Variants in SYCP3 observed in about 807,000 individuals in gnomAD.
SYCP3 encodes the protein synaptonemal complex protein 3.
A neutral mutation model predicts 38.5 loss-of-function variants in SYCP3; 29 were observed. That is an observed-to-expected ratio of 0.75 (90% CI 0.56 to 1.03). The LOEUF (loss-of-function observed/expected upper bound fraction) is 1.03. SYCP3 is among the 50% of genes least tolerant of loss of function. SYCP3 has a pLI of 0.00. For synonymous variants in SYCP3, 79 were observed against 80.3 expected, an observed-to-expected ratio of 0.98 and a Z score of 0.08; for missense variants, 242 against 270.7, an observed-to-expected ratio of 0.89 and a Z score of 0.74.
intron 6 of SYCP3, 175 bp from the exon 7 acceptor site, chr12:101,731,841 A>C: frequency 2.2e-6 from 1 of 462,936 alleles, no homozygotes; most frequent in Non-Finnish European, 3.8e-6. Context: ...AATATGTAAC[A>C]ATATATTAAT....
chr12:101,728,734 T>G lies in SYCP3; in HGVS notation c.*193A>C. ...AAAGAGCTGAAAGCTTAATACATATTCTTTAGGAATAGTTGCTAACTAACT... is the reference window on the plus strand; with the variant it reads ...AAAGAGCTGAAAGCTTAATACATATGCTTTAGGAATAGTTGCTAACTAACT... On this transcript the variant is annotated 3_prime_UTR_variant, in exon 9 of 9. Transcript: ENST00000392924. The G allele has an allele frequency of 2.8e-6, 2 of 703,972 alleles. No homozygotes were observed. The allele number at this position is 703,972 out of a possible 1,614,324, so 43.6% of individuals were successfully genotyped here.
rs755265030 is a variant in SYCP3, at chr12:101,734,932, A to G, written c.348T>C (p.Asp116=). 32 of 1,604,634 alleles carry G rather than the reference A, an allele frequency of 2.0e-5. No homozygotes were observed. Among genetic ancestry groups the G allele is most frequent in the African/African-American group, 4.0e-5 (3 of 74,824 alleles). The change falls in exon 5 of 9, where the codon GAT becomes GAC. Residue 116 remains aspartate (D), a synonymous_variant. Coordinates refer to ENST00000392924, the MANE Select transcript of SYCP3 (RefSeq NM_001177949.2). The part of the protein sequence containing the change: ...KIEHVWKTQQ[D]QRQKLNQEYS... ...AAAAAAAGCAACCACCTTACCTTTGATCTTGTTGTGTTTTCCAAACATGTT... is the reference window on the plus strand; with the variant it reads ...AAAAAAAGCAACCACCTTACCTTTGGTCTTGTTGTGTTTTCCAAACATGTT...
At chr12:101,737,664 C>T (rs1952506515) in intron 2 of SYCP3, 139 bp downstream of exon 2, 1 of 1,168,530 alleles carries the variant, frequency 8.6e-7, no homozygotes, top group African/African-American at 1.5e-5. Flanking sequence ...TCCGTGTCAG[C>T]AGGTTCTGTA....
intron 4 of SYCP3, among the ~76,000 whole-genome samples, chr12:101,735,871 A>ATATATATATATATTTTTTTTTTTTTTTTT: frequency 1.2e-4 from 9 of 74,774 alleles, no homozygotes; most frequent in African/African-American, 2.5e-4. Flanking sequence ...ATATATATAT[A>ATATATATATATATTTTTTTTTTTTTTTTT]TTTTTTTTTT....
Position 101,737,058 on chromosome 12 carries a change from T to A in SYCP3, c.214A>T (p.Asn72Tyr). Residue 72 changes from asparagine (N) to tyrosine (Y), a missense_variant, in exon 4 of 9, where the codon AAT becomes TAT. Coordinates refer to ENST00000392924, the MANE Select transcript of SYCP3 (RefSeq NM_001177949.2). ...VVEDMGGEVQNMLEGVGVDIN... is the reference protein window; with the variant it reads ...VVEDMGGEVQYMLEGVGVDIN... ...CTACCTCCAACTCCTTCCAGCATAT[T>A]CTGCACTTCACCCCTGGAAAGAAAT... 6.2e-7 allele frequency: 1 copy of A among 1,613,940 alleles called. No individual in the cohort carries two copies. The highest frequency in any genetic ancestry group is 8.5e-7 in the Non-Finnish European group (1 of 1,179,924).
chr12:101,739,347 A>T lies in SYCP3; in HGVS notation c.-18+4T>A. The T allele has an allele frequency of 1.0e-6, 1 of 1,002,782 alleles. No homozygotes were observed. The highest frequency in any genetic ancestry group is 1.2e-6 in the Non-Finnish European group (1 of 830,332). 62.1% of individuals were successfully genotyped at this position (1,002,782 alleles called of 1,614,324 possible). ...CGATAGACAGACGCCTCCCCTGCTC[A>T]CACCTGAAACACACCGCAATGGCCG... On this transcript the variant is annotated splice_donor_region_variant and intron_variant, in intron 1 of 8. Transcript: ENST00000392924.
intron 2 of SYCP3, 37 bp from the exon 3 acceptor site, chr12:101,737,335 T>G: frequency 6.9e-7 from 1 of 1,439,366 alleles, no homozygotes. Flanking sequence ...AAAAAGCTTT[T>G]GAAACTGAAT....
At chr12:101,735,871 A>ATATATATATATATATATATTT in intron 4 of SYCP3, among the ~76,000 whole-genome samples, 3 of 74,750 alleles carry the variant, frequency 4.0e-5, no homozygotes, top group African/African-American at 6.3e-5. Flanking sequence ...ATATATATAT[A>ATATATATATATATATATATTT]TTTTTTTTTT....
intron 7 of SYCP3, chr12:101,730,655 A>G: frequency 3.4e-6 from 1 of 293,364 alleles, no homozygotes; most frequent in Non-Finnish European, 6.6e-6. Flanking sequence ...CACCATGCCC[A>G]GCTATTTTTG....
At chr12:101,738,444 A>G (rs1952556164) in intron 1 of SYCP3, among the ~76,000 whole-genome samples, 1 of 149,758 alleles carries the variant, frequency 6.7e-6, no homozygotes, top group Non-Finnish European at 1.5e-5. Context: ...AAAAAAAACA[A>G]CAACAGAAAT....
intron 4 of SYCP3, among the ~76,000 whole-genome samples, chr12:101,736,226 T>G (rs983383915): frequency 6.6e-6 from 1 of 152,148 alleles, no homozygotes; most frequent in Admixed American, 6.5e-5. Flanking sequence ...CAAATAATGC[T>G]TTGCTAAACA....
At chr12:101,729,331 GAAATAA>G in intron 7 of SYCP3, 118 bp from the exon 8 acceptor site, 1 of 1,018,290 alleles carries the variant, frequency 9.8e-7, no homozygotes. Context: ...TCATCTATTT[GAAATAA>G]AAATATTCTA....
rs776775647 is a variant in SYCP3 at position 101,737,841 on chromosome 12, T to G, written c.95A>C (p.Lys32Thr). 6.2e-6 allele frequency: 10 copies of G among 1,614,228 alleles called. No homozygotes were observed. The highest frequency in any genetic ancestry group is 8.5e-6 in the Non-Finnish European group (10 of 1,180,048). The stretch of plus-strand genomic sequence containing the variant: ...TTCCTCTGATCCACTCAGATCTTTC[T>G]TATCTTCAGTCTCAAAGTCATAGGC... ...TRAYDFETED[K>T]KDLSGSEEDV... The change falls in exon 2 of 9, where the codon AAG (lysine) becomes ACG (threonine). Residue 32 changes from lysine to threonine, a missense_variant. By Grantham distance (78) the Lys-to-Thr change is moderately conservative. Transcript: ENST00000392924.
At chr12:101,730,847 A>T (rs1952160451) in intron 7 of SYCP3, among the ~76,000 whole-genome samples, 1 of 152,174 alleles carries the variant, frequency 6.6e-6, no homozygotes, top group South Asian at 2.1e-4. Context: ...TACTTAGAGC[A>T]TCCCAATTCC....
chr12:101,734,614 T>C (rs1952325578), intron 5 of SYCP3, among the ~76,000 whole-genome samples: 1 of 152,156 alleles, frequency 6.6e-6, no homozygotes, highest in Admixed American at 6.5e-5. Flanking sequence ...CTTGTTTTTT[T>C]TGACAGAGTC....
Position 101,733,357 on chromosome 12 carries a change from T to G in SYCP3, c.453+218A>C. On this transcript the variant is annotated intron_variant, in intron 6 of 8. Transcript: ENST00000392924. ...TCCTTCTTTTGTACTTTGACAAATT[T>G]CTGTCACTTGGAAATGCAGGAACCC... The G allele has an allele frequency of 7.8e-6, 4 of 509,958 alleles. No individual in the cohort carries two copies. The South Asian group carries it at 9.7e-5, about 12-fold the overall frequency. 31.6% of individuals were successfully genotyped at this position (509,958 alleles called of 1,614,324 possible).
At chr12:101,737,122 G>A in intron 3 of SYCP3, 51 bp from the exon 4 acceptor site, 2 of 1,609,100 alleles carry the variant, frequency 1.2e-6, no homozygotes, top group South Asian at 1.1e-5. Flanking sequence ...AACATACCAT[G>A]CTTGTTTTGG....
At chr12:101,733,895 G>T (rs1259201137) in intron 5 of SYCP3, among the ~76,000 whole-genome samples, 1 of 152,038 alleles carries the variant, frequency 6.6e-6, no homozygotes, top group African/African-American at 2.4e-5. Flanking sequence ...ACAAGCTTTA[G>T]CTCTTGAAAA....
chr12:101,737,636 C>A, intron 2 of SYCP3, 167 bp downstream of exon 2: 1 of 899,978 alleles, frequency 1.1e-6, no homozygotes, highest in Admixed American at 2.0e-5. Flanking sequence ...AAATGAGAAA[C>A]ACAAGTACAG....
Sources: gnomAD v4.1 joint callset for allele counts (sites outside exome capture counted in the v4.1 genomes callset) on GRCh38, gnomAD v4.1.1 for gene constraint, MANE v1.5 for transcripts, NCBI Gene and HGNC (gene_info 2026-07-23, HGNC 2026-07-21) for gene names.